TMEM117: variants seen among roughly 807,000 people sequenced by gnomAD.
TMEM117 encodes the protein transmembrane protein 117.
In TMEM117, 27 loss-of-function variants were observed where a neutral mutation model predicts 52.4. The observed-to-expected ratio is 0.51, with a 90% CI of 0.38 to 0.71. The LOEUF is 0.71. Among genes scored for constraint, TMEM117 ranks in the 30% least tolerant of loss-of-function variants. The pLI, the probability that TMEM117 is intolerant of heterozygous loss-of-function variation, is 0.00. For synonymous variants in TMEM117, 215 were observed against 206.3 expected (o/e 1.04, Z -0.36); for missense variants, 556 against 630.5 (o/e 0.88, Z 1.26).
intron 2 of TMEM117, among the ~76,000 whole-genome samples, chr12:43,887,286 G>A (rs1435796346): frequency 6.6e-6 from 1 of 152,204 alleles, no homozygotes; most frequent in Non-Finnish European, 1.5e-5. Flanking sequence ...AAATGTTATT[G>A]AGAATCTTAT....
At chr12:44,057,484 G>C (rs1167801314) in intron 3 of TMEM117, among the ~76,000 whole-genome samples, 1 of 152,042 alleles carries the variant, frequency 6.6e-6, no homozygotes, top group African/African-American at 2.4e-5. Context: ...GTCTCTGAAA[G>C]GGAGTGAAAG....
intron 2 of TMEM117, among the ~76,000 whole-genome samples, chr12:43,887,876 TG>T (rs910035612): frequency 1.3e-5 from 2 of 152,334 alleles, no homozygotes; most frequent in African/African-American, 4.8e-5. Context: ...ATTATGTGGC[TG>T]CAGGTGAGAC....
At chr12:44,317,784 T>C (rs977173709) in intron 6 of TMEM117, among the ~76,000 whole-genome samples, 1 of 152,194 alleles carries the variant, frequency 6.6e-6, no homozygotes, top group African/African-American at 2.4e-5. Flanking sequence ...GGTATATATT[T>C]CAACCTTGTT....
chr12:43,814,047 G>A, the TMEM117 span, among the ~76,000 whole-genome samples: 1 of 152,096 alleles, frequency 6.6e-6, no homozygotes, highest in South Asian at 2.1e-4. Context: ...GGACTAACGT[G>A]TTGAAAAGGA....
At chr12:44,187,913 G>C (rs1949299717) in intron 4 of TMEM117, among the ~76,000 whole-genome samples, 1 of 152,096 alleles carries the variant, frequency 6.6e-6, no homozygotes. Flanking sequence ...AATGGATACA[G>C]CAGACTTTCT....
At chr12:44,084,322 GA>G (rs1308431909) in intron 3 of TMEM117, among the ~76,000 whole-genome samples, 1 of 152,054 alleles carries the variant, frequency 6.6e-6, no homozygotes, top group Admixed American at 6.6e-5. Context: ...AAAAAGTTCA[GA>G]ATGATAACTA....
chr12:43,928,218 T>A (rs1217189974), intron 2 of TMEM117, among the ~76,000 whole-genome samples: 2 of 152,086 alleles, frequency 1.3e-5, no homozygotes, highest in African/African-American at 4.8e-5. Flanking sequence ...TCTTCTTACT[T>A]CCATGCGATT....
At chr12:44,159,115 G>A (rs1359548992) in intron 4 of TMEM117, among the ~76,000 whole-genome samples, 1 of 152,090 alleles carries the variant, frequency 6.6e-6, no homozygotes, top group Admixed American at 6.6e-5. Context: ...TTATGGGTAG[G>A]TAATTATATT....
At position 44,289,639 on chromosome 12, in the gene TMEM117, G is replaced by A. The variant is rs186659134; in HGVS notation, c.609-9941G>A. Among the ~76,000 whole-genome samples, 639 of 139,924 alleles carry A rather than the reference G, an allele frequency of 4.6e-3. 4 individuals carry two copies. The highest frequency in any genetic ancestry group is 0.042 in the Middle Eastern group (11 of 262). 91.8% of individuals were successfully genotyped at this position (139,924 alleles called of 152,430 possible). On this transcript the variant is annotated intron_variant, in intron 5 of 7. Coordinates refer to ENST00000266534, the MANE Select transcript of TMEM117 (RefSeq NM_032256.3). ...ACAATCTCAGCTCACTGCAACCTCC[G>A]CCTCTCAGGTTCAAGCGATTCTCCT...
chr12:44,163,689 G>A (rs1565855807), intron 4 of TMEM117, among the ~76,000 whole-genome samples: 1 of 152,108 alleles, frequency 6.6e-6, no homozygotes, highest in Admixed American at 6.5e-5. Context: ...AGTCTTCCTA[G>A]GATAAAAATG....
intron 7 of TMEM117, among the ~76,000 whole-genome samples, chr12:44,377,432 T>G (rs1202219127): frequency 1.3e-5 from 2 of 152,198 alleles, no homozygotes; most frequent in African/African-American, 4.8e-5. Flanking sequence ...GTGGCAAAGC[T>G]CAGGTTTGTC....
At chr12:44,187,244 A>G (rs1378439639) in intron 4 of TMEM117, among the ~76,000 whole-genome samples, 1 of 152,108 alleles carries the variant, frequency 6.6e-6, no homozygotes, top group Non-Finnish European at 1.5e-5. Context: ...TGTAAATGGG[A>G]AAAAAATCAA....
chr12:43,822,196 T>G, the TMEM117 span, among the ~76,000 whole-genome samples: 1 of 152,240 alleles, frequency 6.6e-6, no homozygotes, highest in Non-Finnish European at 1.5e-5. Context: ...AATGCGAGAT[T>G]GGCTTTGGGA....
At chr12:43,918,597 A>G (rs1425218636) in intron 2 of TMEM117, among the ~76,000 whole-genome samples, 2 of 152,164 alleles carry the variant, frequency 1.3e-5, no homozygotes, top group African/African-American at 4.8e-5. Context: ...GCTTGTCTGT[A>G]GGCCTTTTCT....
At chr12:43,871,175 T>G (rs1943698476) in intron 2 of TMEM117, among the ~76,000 whole-genome samples, 1 of 151,796 alleles carries the variant, frequency 6.6e-6, no homozygotes, top group African/African-American at 2.4e-5. Flanking sequence ...CGATCTCAGC[T>G]CTCTGCAACC....
chr12:44,086,214 CT>C (rs772258917), intron 3 of TMEM117, among the ~76,000 whole-genome samples: 24,414 of 125,260 alleles, frequency 0.19, 3,499 homozygotes, highest in African/African-American at 0.45. Context: ...GCTTCCAAGT[CT>C]TTTTTTTTTT....
rs202090765 is a variant in TMEM117, at chr12:44,203,340, ATC to A, written c.511-7944_511-7943del. Among the ~76,000 whole-genome samples the A allele has an allele frequency of 8.0e-3, 1,218 of 151,964 alleles. 22 individuals are homozygous for A. The highest frequency in any genetic ancestry group is 0.027 in the African/African-American group (1,134 of 41,438). On this transcript the variant is annotated intron_variant, in intron 4 of 7. Coordinates refer to ENST00000266534, the MANE Select transcript of TMEM117 (RefSeq NM_032256.3). ...GTCATTTCTAATTGTGTTGATTTAA[ATC>A]TCTCTTTTTAACTTAATCTGGGTAG...
chr12:44,338,259 A>G (rs1436303303), intron 6 of TMEM117, among the ~76,000 whole-genome samples: 1 of 152,112 alleles, frequency 6.6e-6, no homozygotes, highest in Admixed American at 6.6e-5. Context: ...GATTATACCT[A>G]AAAATGTTAA....
chr12:44,219,291 C>T (rs1949758684), intron 5 of TMEM117, among the ~76,000 whole-genome samples: 1 of 150,982 alleles, frequency 6.6e-6, no homozygotes, highest in African/African-American at 2.5e-5. Flanking sequence ...ACATTAACTC[C>T]CTATATTCTT....
Sources: allele counts gnomAD v4.1 joint callset (sites outside exome capture counted in the v4.1 genomes callset), GRCh38; gene constraint gnomAD v4.1.1; transcripts MANE v1.5; gene names NCBI Gene and HGNC (gene_info 2026-07-23, HGNC 2026-07-21).